Variants in COG6 observed in about 807,000 individuals in gnomAD.
The protein encoded by COG6 is component of oligomeric golgi complex 6.
A neutral mutation model predicts 88.8 loss-of-function variants in COG6; 74 were observed. The ratio of observed to expected loss-of-function variants is 0.83; its 90% CI spans 0.69 to 1.01. The LOEUF (loss-of-function observed/expected upper bound fraction) is 1.01. Among genes scored for constraint, COG6 ranks in the 50% least tolerant of loss-of-function variants. The probability of loss-of-function intolerance (pLI) is 0.00; values close to 1 mark genes in which losing one functional copy is unlikely to be tolerated. For missense variants in COG6, 800 were observed against 797.9 expected, an observed-to-expected ratio of 1.00 and a Z score of -0.03; for synonymous variants, 286 against 278.7, an observed-to-expected ratio of 1.03 and a Z score of -0.26.
At chr13:39,769,274 C>T (rs1374234758) in intron 18 of COG6, among the ~76,000 whole-genome samples, 1 of 152,126 alleles carries the variant, frequency 6.6e-6, no homozygotes, top group Non-Finnish European at 1.5e-5. Flanking sequence ...TGAGAATGTT[C>T]AAGATTATAA....
intron 8 of COG6, among the ~76,000 whole-genome samples, chr13:39,685,168 A>G (rs767313723): frequency 5.9e-5 from 9 of 152,030 alleles, no homozygotes; most frequent in Non-Finnish European, 1.0e-4. Context: ...GCTAAACACA[A>G]TTTTTAAAAT....
intron 18 of COG6, among the ~76,000 whole-genome samples, chr13:39,764,572 T>C (rs1338445317): frequency 6.6e-6 from 1 of 152,032 alleles, no homozygotes; most frequent in East Asian, 1.9e-4. Flanking sequence ...TGTCATATTT[T>C]CATTACCTTT....
intron 13 of COG6, among the ~76,000 whole-genome samples, chr13:39,713,917 T>A (rs1878380000): frequency 1.3e-5 from 2 of 152,218 alleles, no homozygotes; most frequent in South Asian, 4.1e-4. Flanking sequence ...ACTGCCATAA[T>A]TTTCACTTAG....
chr13:39,721,072 TAAC>T (rs1322664989), intron 15 of COG6, among the ~76,000 whole-genome samples: 1 of 152,242 alleles, frequency 6.6e-6, no homozygotes, highest in East Asian at 1.9e-4. Flanking sequence ...GTGGAATTAA[TAAC>T]ATTTTTATTT....
chr13:39,724,629 G>A, intron 17 of COG6, 68 bp downstream of exon 17: 2 of 1,218,198 alleles, frequency 1.6e-6, no homozygotes, highest in Non-Finnish European at 1.2e-6. Context: ...TTTTTGCTGT[G>A]TGATAATTTC....
intron 18 of COG6, among the ~76,000 whole-genome samples, chr13:39,783,766 C>T (rs1473160269): frequency 6.6e-6 from 1 of 152,172 alleles, no homozygotes; most frequent in Admixed American, 6.5e-5. Context: ...CACACCTGAA[C>T]ATCATTTATC....
At chr13:39,656,086 G>A in intron 1 of COG6, 2 of 709,554 alleles carry the variant, frequency 2.8e-6, no homozygotes, top group South Asian at 3.0e-5. Context: ...AAAGCGAAGG[G>A]GTTTCCTGGG....
chr13:39,687,414 T>TA, intron 8 of COG6, 89 bp from the exon 9 acceptor site: 1 of 1,182,312 alleles, frequency 8.5e-7, no homozygotes. Context: ...GCTTTTTAAG[T>TA]ACTTGGTTGT....
intron 18 of COG6, among the ~76,000 whole-genome samples, chr13:39,734,855 C>T (rs1413067177): frequency 1.3e-5 from 2 of 152,152 alleles, no homozygotes; most frequent in East Asian, 3.9e-4. Context: ...ATATACTGAA[C>T]TTGTTTGTCT....
chr13:39,749,101 C>T (rs9548917), intron 18 of COG6, among the ~76,000 whole-genome samples: 63,217 of 151,944 alleles, frequency 0.42, 13,510 homozygotes, highest in Admixed American at 0.57. Flanking sequence ...ATAACTATTA[C>T]GTTAATCTAG....
intron 4 of COG6, among the ~76,000 whole-genome samples, chr13:39,674,343 CT>C (rs1313217101): frequency 2.0e-5 from 3 of 151,238 alleles, no homozygotes; most frequent in African/African-American, 7.3e-5. Context: ...TGGTTTATAT[CT>C]TATGTCCATT....
Position 39,677,570 on chromosome 13 carries a change from C to T in COG6, c.531C>T (p.Pro177=). 1 of 1,585,956 alleles carries T rather than the reference C, an allele frequency of 6.3e-7. No homozygotes were observed. The highest frequency in any genetic ancestry group is 8.7e-7 in the Non-Finnish European group (1 of 1,154,934). ...TTCTCCGAGGTACAAGAGAAGGACC[C>T]ATTACTGAGGTATCCTGGCTTTCTG... is the stretch of plus-strand genomic sequence containing the variant. ...MSLLRGTREG[P]ITEDFFKALG... is the part of the protein sequence containing the mutation. Residue 177 remains proline, a synonymous_variant, in exon 5 of 19, where the codon CCC becomes CCT. Coordinates refer to ENST00000455146, the MANE Select transcript of COG6 (RefSeq NM_020751.3).
intron 11 of COG6, among the ~76,000 whole-genome samples, chr13:39,692,464 G>A (rs1348428202): frequency 1.3e-5 from 2 of 151,930 alleles, no homozygotes; most frequent in African/African-American, 2.4e-5. Flanking sequence ...TCAATGACAT[G>A]GAAAATAAAG....
chr13:39,730,491 C>T (rs1879373606), intron 18 of COG6, among the ~76,000 whole-genome samples: 1 of 151,932 alleles, frequency 6.6e-6, no homozygotes, highest in South Asian at 2.1e-4. Context: ...TAACGTCAGG[C>T]CGGGCGTGGT....
At chr13:39,742,537 T>A (rs945425275) in intron 18 of COG6, among the ~76,000 whole-genome samples, 1 of 152,094 alleles carries the variant, frequency 6.6e-6, no homozygotes, top group South Asian at 2.1e-4. Flanking sequence ...AGGGATCAAT[T>A]CAACAAGAAG....
chr13:39,742,437 AG>A (rs1485486762), intron 18 of COG6, among the ~76,000 whole-genome samples: 3 of 152,130 alleles, frequency 2.0e-5, no homozygotes, highest in African/African-American at 4.8e-5. Context: ...AAACAAAAAA[AG>A]GCAGGGGTTG....
chr13:39,791,498 A>G (rs1161961067), exon 19 of COG6: 1 of 151,970 alleles, frequency 6.6e-6, no homozygotes, highest in Non-Finnish European at 1.5e-5. Context: ...TTTGTGTGCT[A>G]TGTTTGCAGA....
intron 18 of COG6, among the ~76,000 whole-genome samples, chr13:39,779,615 T>A (rs1205544211): frequency 1.3e-5 from 2 of 152,176 alleles, no homozygotes; most frequent in East Asian, 3.8e-4. Context: ...CCTGCTGAAA[T>A]CAGAGGCATA....
At chr13:39,706,570 T>C (rs1218858711) in intron 13 of COG6, among the ~76,000 whole-genome samples, 1 of 151,788 alleles carries the variant, frequency 6.6e-6, no homozygotes, top group Non-Finnish European at 1.5e-5. Context: ...AAGTAAATAG[T>C]CACAAGAACA....
Sources: gnomAD v4.1 joint callset for allele counts (sites outside exome capture counted in the v4.1 genomes callset) on GRCh38, gnomAD v4.1.1 for gene constraint, MANE v1.5 for transcripts, NCBI Gene and HGNC (gene_info 2026-07-23, HGNC 2026-07-21) for gene names.